CTNNA3: variants seen among roughly 807,000 people sequenced by gnomAD.
CTNNA3 encodes the protein catenin alpha-3.
CTNNA3 carries 76 observed loss-of-function variants against 95.7 expected under a neutral mutation model. That is an observed-to-expected ratio of 0.79 (90% confidence interval 0.66 to 0.96). The LOEUF (loss-of-function observed/expected upper bound fraction) is 0.96, where lower values mean the gene tolerates loss of function less well. CTNNA3 is among the 40% of genes least tolerant of loss of function. CTNNA3 has a pLI of 0.00. For synonymous variants in CTNNA3, 431 were observed against 374.4 expected (o/e 1.15, Z -1.74); for missense variants, 1,191 against 1,089.8 (o/e 1.09, Z -1.31).
intron 15 of CTNNA3, among the ~76,000 whole-genome samples, chr10:66,053,604 A>G (rs555223560): frequency 5.9e-5 from 9 of 152,096 alleles, no homozygotes; most frequent in African/African-American, 2.2e-4. Flanking sequence ...CTATTTTTGT[A>G]CCCATTAACC....
chr10:67,576,798 T>C (rs1205987420), intron 3 of CTNNA3, among the ~76,000 whole-genome samples: 1 of 107,790 alleles, frequency 9.3e-6, no homozygotes, highest in African/African-American at 5.7e-5. Flanking sequence ...AGTGAGAACA[T>C]GCGGTGTTTG....
At chr10:67,709,028 TA>T (rs772796482) in intron 1 of CTNNA3, among the ~76,000 whole-genome samples, 19 of 151,956 alleles carry the variant, frequency 1.3e-4, no homozygotes, top group Admixed American at 9.2e-4. Context: ...TTTCATTATA[TA>T]AATGATCAGG....
At chr10:66,871,342 T>G (rs1844393906) in intron 7 of CTNNA3, among the ~76,000 whole-genome samples, 1 of 152,028 alleles carries the variant, frequency 6.6e-6, no homozygotes, top group South Asian at 2.1e-4. Context: ...GAGGATCACC[T>G]GAGGTTGGGA....
chr10:66,748,091 A>C (rs1408742079), intron 9 of CTNNA3, among the ~76,000 whole-genome samples: 3 of 152,148 alleles, frequency 2.0e-5, no homozygotes, highest in Admixed American at 2.0e-4. Flanking sequence ...CTCTGGCATC[A>C]AAGGTATCAG....
intron 7 of CTNNA3, among the ~76,000 whole-genome samples, chr10:67,117,597 T>C (rs1166556131): frequency 6.6e-6 from 1 of 152,096 alleles, no homozygotes; most frequent in African/African-American, 2.4e-5. Context: ...GAGACAAGTG[T>C]ATAAATATTG....
At chr10:67,129,466 T>C (rs1859883905) in intron 7 of CTNNA3, among the ~76,000 whole-genome samples, 1 of 152,140 alleles carries the variant, frequency 6.6e-6, no homozygotes, top group African/African-American at 2.4e-5. Context: ...CCACAAACAG[T>C]TATGAATTAA....
At position 67,313,585 on chromosome 10, in the gene CTNNA3, G is replaced by C. The variant is rs547115240; in HGVS notation, c.580-93715C>G. Among the ~76,000 whole-genome samples the C allele has an allele frequency of 3.7e-3, 566 of 152,294 alleles. 1 individual carries two copies. The highest frequency in any genetic ancestry group is 0.013 in the African/African-American group (544 of 41,564). ...ATTGAATAATTTTAAGAATAGGATT[G>C]ATATTATGTAATTTGTGCTAGAGAA... On this transcript the variant is annotated intron_variant, in intron 5 of 17. Transcript: ENST00000433211.
intron 5 of CTNNA3, among the ~76,000 whole-genome samples, chr10:67,500,361 A>G (rs1304064313): frequency 6.6e-6 from 1 of 152,188 alleles, no homozygotes; most frequent in African/African-American, 2.4e-5. Context: ...TATGTGGTCA[A>G]TTTTAGAATA....
intron 3 of CTNNA3, among the ~76,000 whole-genome samples, chr10:67,562,759 T>C (rs1841570788): frequency 6.6e-6 from 1 of 152,014 alleles, no homozygotes; most frequent in African/African-American, 2.4e-5. Flanking sequence ...CAGCCCAAAA[T>C]CTCCTTAAGC....
At chr10:66,152,151 A>G (rs562905891) in intron 13 of CTNNA3, among the ~76,000 whole-genome samples, 6 of 152,116 alleles carry the variant, frequency 3.9e-5, no homozygotes, top group African/African-American at 1.4e-4. Context: ...TACCATTCAA[A>G]AACATTCTAC....
At chr10:67,357,992 G>A (rs1375693913) in intron 5 of CTNNA3, among the ~76,000 whole-genome samples, 1 of 151,958 alleles carries the variant, frequency 6.6e-6, no homozygotes, top group Non-Finnish European at 1.5e-5. Flanking sequence ...GGATATATAT[G>A]AATAATTAAT....
chr10:67,037,067 T>A (rs1854105448), intron 7 of CTNNA3, among the ~76,000 whole-genome samples: 1 of 151,840 alleles, frequency 6.6e-6, no homozygotes, highest in Admixed American at 6.6e-5. Context: ...ATGGTTGGAG[T>A]GAAGTGAGCA....
intron 15 of CTNNA3, among the ~76,000 whole-genome samples, chr10:66,011,130 T>C (rs2078997720): frequency 6.6e-6 from 1 of 152,054 alleles, no homozygotes. Flanking sequence ...ATGAATGAAG[T>C]CTTAATTTAG....
chr10:66,910,650 C>T (rs758762017), intron 7 of CTNNA3, among the ~76,000 whole-genome samples: 3 of 152,164 alleles, frequency 2.0e-5, no homozygotes, highest in Admixed American at 6.5e-5. Flanking sequence ...CCATGGCGAG[C>T]AAAAACCATG....
chr10:66,867,266 C>T (rs1170931705), intron 7 of CTNNA3, among the ~76,000 whole-genome samples: 1 of 152,148 alleles, frequency 6.6e-6, no homozygotes, highest in Non-Finnish European at 1.5e-5. Context: ...TGTGTATTAG[C>T]ATTTTGTTAT....
intron 15 of CTNNA3, among the ~76,000 whole-genome samples, chr10:66,007,614 A>C (rs971699696): frequency 3.9e-5 from 6 of 152,050 alleles, no homozygotes; most frequent in Admixed American, 6.5e-5. Context: ...CCATACTTAA[A>C]TATTTGGACC....
At chr10:66,613,191 C>T (rs190144716) in intron 10 of CTNNA3, among the ~76,000 whole-genome samples, 3 of 152,062 alleles carry the variant, frequency 2.0e-5, no homozygotes, top group African/African-American at 7.2e-5. Flanking sequence ...AAGTCATTAT[C>T]TAATTTTTTA....
intron 5 of CTNNA3, among the ~76,000 whole-genome samples, chr10:67,226,785 A>G (rs1322403149): frequency 6.6e-6 from 1 of 152,222 alleles, no homozygotes; most frequent in East Asian, 1.9e-4. Context: ...TAAAGCAGAA[A>G]TCATACAGGA....
intron 1 of CTNNA3, among the ~76,000 whole-genome samples, chr10:67,673,486 T>G (rs1840479880): frequency 6.6e-6 from 1 of 151,980 alleles, no homozygotes; most frequent in African/African-American, 2.4e-5. Flanking sequence ...GGTATGATAT[T>G]GGCTGTGGGT....
Sources: allele counts gnomAD v4.1 joint callset (sites outside exome capture counted in the v4.1 genomes callset), GRCh38; gene constraint gnomAD v4.1.1; transcripts MANE v1.5; gene names NCBI Gene and HGNC (gene_info 2026-07-23, HGNC 2026-07-21).